Variants in GET1 observed in about 807,000 individuals in gnomAD.
The protein encoded by GET1 is congenital heart disease 5 protein.
Under a neutral mutation model 22.6 loss-of-function variants are expected in GET1, and 20 were observed. The ratio of observed to expected loss-of-function variants is 0.89; its 90% CI spans 0.62 to 1.29. The LOEUF (loss-of-function observed/expected upper bound fraction) is 1.29. Ranked by LOEUF, GET1 falls within the 50% of genes most tolerant of loss-of-function variation. GET1 has a pLI of 0.00. For missense variants in GET1, 209 were observed against 219.9 expected, an observed-to-expected ratio of 0.95 and a Z score of 0.31; for synonymous variants, 92 against 83.8, an observed-to-expected ratio of 1.10 and a Z score of -0.53.
chr21:39,380,486 C>T lies in GET1; in HGVS notation c.102C>T (p.Phe34=), dbSNP rs751234240. The change falls in exon 1 of 5, where the codon TTC becomes TTT. Residue 34 remains phenylalanine (F), a splice_region_variant and synonymous_variant. Coordinates refer to ENST00000649170, the MANE Select transcript of GET1 (RefSeq NM_004627.6). ...TCCTCCTCCCGTCCTTCTCATCCTT[C>T]GTAAGTGGCTGCCTGGCCTCCCAAG... ...LRILLPSFSS[F]MSRVLQKDAE... is the part of the protein sequence containing the mutation. The T allele has an allele frequency of 2.2e-5, 36 of 1,610,586 alleles. No homozygotes were observed. Among genetic ancestry groups the T allele is most frequent in the Non-Finnish European group, 2.7e-5 (32 of 1,178,312 alleles).
intron 1 of GET1, chr21:39,428,024 A>C: frequency 3.4e-6 from 2 of 590,052 alleles, no homozygotes; most frequent in Non-Finnish European, 3.1e-6. Context: ...TCTATTTCCT[A>C]ATTTATTCTA....
intron 1 of GET1, among the ~76,000 whole-genome samples, chr21:39,389,644 CACCCTACAG>C (rs2038164877): frequency 6.6e-6 from 1 of 152,208 alleles, no homozygotes; most frequent in South Asian, 2.1e-4. Context: ...CTGTCTCCCT[CACCCTACAG>C]ACCCTGACTC....
intron 1 of GET1, among the ~76,000 whole-genome samples, chr21:39,385,443 G>A (rs1470761934): frequency 1.3e-5 from 2 of 152,232 alleles, no homozygotes; most frequent in Non-Finnish European, 1.5e-5. Context: ...AGGACACCAA[G>A]TCCGTGGTGT....
chr21:39,400,732 A>T (rs963004163), downstream of GET1, among the ~76,000 whole-genome samples: 3 of 152,098 alleles, frequency 2.0e-5, no homozygotes, highest in Non-Finnish European at 4.4e-5. Flanking sequence ...GCTTTCCTGC[A>T]TGCATCTTTG....
intron 1 of GET1, chr21:39,423,577 C>T (rs2074101914): frequency 8.7e-7 from 1 of 1,156,058 alleles, no homozygotes; most frequent in African/African-American, 1.5e-5. Flanking sequence ...TCCCATGCCC[C>T]CATGCACACA....
At chr21:39,392,343 A>G (rs2038357337) in intron 3 of GET1, among the ~76,000 whole-genome samples, 1 of 152,076 alleles carries the variant, frequency 6.6e-6, no homozygotes, top group Admixed American at 6.6e-5. Flanking sequence ...CTGCCCCGAG[A>G]GTGCAGTTGT....
At chr21:39,400,045 A>G (rs754205107), downstream of GET1, among the ~76,000 whole-genome samples, 27 of 151,574 alleles carry the variant, frequency 1.8e-4, no homozygotes, top group Non-Finnish European at 3.7e-4. Flanking sequence ...TATTCATTTT[A>G]TGTGCTGTTG....
At chr21:39,391,306 A>C (rs2038280390) in intron 2 of GET1, 1 of 230,688 alleles carries the variant, frequency 4.3e-6, no homozygotes, top group African/African-American at 2.4e-5. Flanking sequence ...TTCTCAGGGC[A>C]GCCCGTGTGC....
At chr21:39,428,394 C>T (rs2075131162) in exon 2 of GET1, 1 of 1,613,208 alleles carries the variant, frequency 6.2e-7, no homozygotes, top group African/African-American at 1.3e-5. Flanking sequence ...TCGCCTGTGC[C>T]TGGGCTTCTC....
downstream of GET1, among the ~76,000 whole-genome samples, chr21:39,398,547 T>G (rs1272026356): frequency 2.6e-5 from 4 of 152,190 alleles, no homozygotes; most frequent in African/African-American, 4.8e-5. Context: ...TTGTGATGAT[T>G]AAATAGGGGA....
intron 1 of GET1, among the ~76,000 whole-genome samples, chr21:39,427,518 C>T (rs1241638642): frequency 9.2e-5 from 14 of 151,886 alleles, no homozygotes; most frequent in African/African-American, 2.7e-4. Flanking sequence ...AAAAATTAGC[C>T]GGGCGTGGTG....
chr21:39,384,177 A>G (rs984062598), intron 1 of GET1, among the ~76,000 whole-genome samples: 1 of 151,992 alleles, frequency 6.6e-6, no homozygotes, highest in Non-Finnish European at 1.5e-5. Flanking sequence ...CTTTGGAGAC[A>G]TGTCTAGTCA....
downstream of GET1, among the ~76,000 whole-genome samples, chr21:39,398,206 A>C (rs1251479564): frequency 3.9e-5 from 6 of 152,208 alleles, no homozygotes; most frequent in Admixed American, 3.9e-4. Context: ...AAGGATGAGA[A>C]GCCAACCTGG....
chr21:39,409,419 A>C (rs2039688773), downstream of GET1, among the ~76,000 whole-genome samples: 1 of 152,094 alleles, frequency 6.6e-6, no homozygotes, highest in South Asian at 2.1e-4. The surrounding 1 kb of genome is among the most constrained non-coding windows in gnomAD (Gnocchi z 4.2). Flanking sequence ...GAGGGAAAGC[A>C]AGGGAATGAC....
intron 1 of GET1, 100 bp downstream of exon 1, chr21:39,380,586 G>C: frequency 6.6e-7 from 1 of 1,522,858 alleles, no homozygotes; most frequent in Admixed American, 2.1e-5. Flanking sequence ...GCGACTGAAG[G>C]CCGTAGTAGC....
At chr21:39,380,857 G>C (rs2037512246) in intron 1 of GET1, 1 of 995,138 alleles carries the variant, frequency 1.0e-6, no homozygotes. Flanking sequence ...GGCCTGGCGG[G>C]CGAAGTCAGC....
chr21:39,414,736 C>CTG (rs1445537335), intron 1 of GET1, among the ~76,000 whole-genome samples: 299 of 92,238 alleles, frequency 3.2e-3, no homozygotes, highest in African/African-American at 0.01. Context: ...CTCTCTCTCT[C>CTG]TCTCTCTGTG....
At chr21:39,406,260 A>T in exon 5 of GET1, 1 of 1,614,186 alleles carries the variant, frequency 6.2e-7, no homozygotes, top group Non-Finnish European at 8.5e-7. Flanking sequence ...TGTTGCCGGC[A>T]TTGGCTGGCC....
chr21:39,401,441 A>G (rs980604129), downstream of GET1, among the ~76,000 whole-genome samples: 2 of 152,240 alleles, frequency 1.3e-5, no homozygotes, highest in Non-Finnish European at 2.9e-5. Flanking sequence ...TAAAAATACA[A>G]TACAAATCTT....
Sources: allele counts gnomAD v4.1 joint callset (sites outside exome capture counted in the v4.1 genomes callset), GRCh38; gene constraint gnomAD v4.1.1; non-coding constraint Gnocchi (gnomAD v3.1); transcripts MANE v1.5; gene names NCBI Gene and HGNC (gene_info 2026-07-23, HGNC 2026-07-21).